Variants in MID1 observed in about 807,000 individuals in gnomAD.
MID1 encodes the protein midline 1.
A neutral mutation model predicts 40.4 loss-of-function variants in MID1; 7 were observed. That is an observed-to-expected ratio of 0.17 (90% CI 0.10 to 0.33). The LOEUF is 0.33. Ranked by LOEUF, MID1 falls within the 10% of genes least tolerant of loss-of-function variation. The pLI, the probability that MID1 is intolerant of heterozygous loss-of-function variation, is 1.00. For synonymous variants in MID1, 229 were observed against 221.2 expected (o/e 1.04, Z -0.31); for missense variants, 367 against 558.5 (o/e 0.66, Z 3.46).
chrX:10,502,591 C>T (rs933158451), intron 3 of MID1, among the ~76,000 whole-genome samples: 4 of 111,779 alleles, frequency 3.6e-5, no homozygotes, highest in Non-Finnish European at 7.5e-5. Flanking sequence ...TGAAATTGCA[C>T]CATCAAACTG....
chrX:10,821,505 G>A (rs915076281), intron 1 of MID1, among the ~76,000 whole-genome samples: 2 of 112,111 alleles, frequency 1.8e-5, no homozygotes, highest in Non-Finnish European at 3.8e-5. Context: ...CCCGTTGGCT[G>A]GCTGTTTTGG....
chrX:10,573,410 T>G (rs989101165), intron 1 of MID1, among the ~76,000 whole-genome samples: 1 of 112,020 alleles, frequency 8.9e-6, no homozygotes, highest in South Asian at 3.7e-4. Flanking sequence ...TCCATTCTCA[T>G]GGGAACTAAT....
intron 1 of MID1, among the ~76,000 whole-genome samples, chrX:10,816,753 G>A (rs1171350385): frequency 8.9e-6 from 1 of 112,267 alleles, no homozygotes; most frequent in Non-Finnish European, 1.9e-5. Flanking sequence ...AAGTAATTTA[G>A]TATTGCCATT....
intron 3 of MID1, among the ~76,000 whole-genome samples, chrX:10,504,100 G>A (rs1001393062): frequency 8.9e-6 from 1 of 111,845 alleles, no homozygotes; most frequent in African/African-American, 3.3e-5. Flanking sequence ...GGCTAATGGA[G>A]GCAGTGGTTT....
intron 1 of MID1, among the ~76,000 whole-genome samples, chrX:10,819,035 T>C (rs925502474): frequency 1.8e-5 from 2 of 112,067 alleles, no homozygotes; most frequent in African/African-American, 6.5e-5. Context: ...AGAGTTATTT[T>C]CTACACCTTT....
intron 2 of MID1, among the ~76,000 whole-genome samples, chrX:10,533,964 A>C (rs780788515): frequency 9.1e-6 from 1 of 109,898 alleles, no homozygotes; most frequent in South Asian, 3.8e-4. Context: ...ATAAGGAATT[A>C]CTCATTGATT....
chrX:10,623,083 CAA>C (rs763054366), upstream of MID1, among the ~76,000 whole-genome samples: 1 of 32,511 alleles, frequency 3.1e-5, no homozygotes, highest in African/African-American at 1.0e-4. Flanking sequence ...GCTGTCTCTA[CAA>C]AAAAAAAAAA....
chrX:10,736,563 C>T (rs897638934), intron 1 of MID1, among the ~76,000 whole-genome samples: 4 of 111,989 alleles, frequency 3.6e-5, no homozygotes, highest in African/African-American at 1.3e-4. Flanking sequence ...CTGTCTTCAG[C>T]CCTTGGATAC....
intron 9 of MID1, among the ~76,000 whole-genome samples, chrX:10,452,803 T>A (rs1928426658): frequency 1.8e-5 from 2 of 111,934 alleles, no homozygotes; most frequent in Admixed American, 1.9e-4. Flanking sequence ...GAGGGTGTTT[T>A]CAAGGTAATG....
At chrX:10,524,282 C>T (rs780902124) in intron 2 of MID1, among the ~76,000 whole-genome samples, 171 of 111,839 alleles carry the variant, frequency 1.5e-3, no homozygotes, top group Non-Finnish European at 8.3e-4. Flanking sequence ...TGTTCCTTCT[C>T]ATTCACATGC....
intron 1 of MID1, among the ~76,000 whole-genome samples, chrX:10,607,916 T>C (rs1935655726): frequency 1.8e-5 from 2 of 112,849 alleles, no homozygotes; most frequent in Admixed American, 1.9e-4. Context: ...GCAGCAATCA[T>C]AGATATTTTT....
intron 9 of MID1, among the ~76,000 whole-genome samples, chrX:10,454,598 C>T (rs1928539839): frequency 8.9e-6 from 1 of 111,760 alleles, no homozygotes; most frequent in Non-Finnish European, 1.9e-5. Context: ...CATGAAAGAG[C>T]AGTGTTAACA....
chrX:10,702,591 C>A (rs1416347566), intron 1 of MID1, among the ~76,000 whole-genome samples: 3 of 112,346 alleles, frequency 2.7e-5, no homozygotes, highest in African/African-American at 9.7e-5. Flanking sequence ...ATAAATATCA[C>A]TGTGTTTTTC....
intron 1 of MID1, among the ~76,000 whole-genome samples, chrX:10,615,871 G>A (rs953540234): frequency 5.3e-5 from 6 of 112,473 alleles, no homozygotes; most frequent in Non-Finnish European, 1.1e-4. Flanking sequence ...GAATCTTCCC[G>A]ATAAACTGCC....
At chrX:10,499,922 G>A (rs892440715) in intron 3 of MID1, among the ~76,000 whole-genome samples, 1 of 112,288 alleles carries the variant, frequency 8.9e-6, no homozygotes, top group African/African-American at 3.2e-5. Flanking sequence ...CTCCATTTAT[G>A]AGTTTTCCTA....
At chrX:10,730,223 C>T (rs1243129533) in intron 1 of MID1, among the ~76,000 whole-genome samples, 1 of 109,926 alleles carries the variant, frequency 9.1e-6, no homozygotes, top group Admixed American at 9.7e-5. Flanking sequence ...ATCTGGATGC[C>T]CAATTTTTGA....
chrX:10,623,083 C>CAAAAAAAAAAAAA (rs763054366), upstream of MID1, among the ~76,000 whole-genome samples: 86 of 32,515 alleles, frequency 2.6e-3, 4 homozygotes, highest in African/African-American at 3.5e-3. Context: ...GCTGTCTCTA[C>CAAAAAAAAAAAAA]AAAAAAAAAA....
At chrX:10,540,922 G>C (rs1367696738) in intron 2 of MID1, among the ~76,000 whole-genome samples, 1 of 112,184 alleles carries the variant, frequency 8.9e-6, no homozygotes, top group Non-Finnish European at 1.9e-5. Context: ...TACAGAGTTT[G>C]AGAAAACAAT....
At chrX:10,795,785 G>T (rs2043962933) in intron 1 of MID1, among the ~76,000 whole-genome samples, 1 of 112,218 alleles carries the variant, frequency 8.9e-6, no homozygotes, top group Non-Finnish European at 1.9e-5. Flanking sequence ...AACTAGCCCT[G>T]GCATTGGCCT....
Sources: gnomAD v4.1 joint callset for allele counts (sites outside exome capture counted in the v4.1 genomes callset) on GRCh38, gnomAD v4.1.1 for gene constraint, MANE v1.5 for transcripts, NCBI Gene and HGNC (gene_info 2026-07-23, HGNC 2026-07-21) for gene names.